The following COPG2 variants were observed in gnomAD, a reference collection of about 807,000 sequenced individuals.
The protein encoded by COPG2 is coatomer subunit gamma-2.
COPG2 carries 37 observed loss-of-function variants against 46.3 expected under a neutral mutation model. That is an observed-to-expected ratio of 0.80 (90% CI 0.61 to 1.05). The LOEUF (loss-of-function observed/expected upper bound fraction) is 1.05. Ranked by LOEUF, COPG2 falls within the 50% of genes least tolerant of loss-of-function variation. The pLI is 0.00. For synonymous variants in COPG2, 159 were observed against 129.7 expected (o/e 1.23, Z -1.53); for missense variants, 427 against 387.8 (o/e 1.10, Z -0.85).
chr7:130,631,407 C>T (rs1466653712), intron 5 of COPG2, among the ~76,000 whole-genome samples: 1 of 152,128 alleles, frequency 6.6e-6, no homozygotes, highest in Non-Finnish European at 1.5e-5. Flanking sequence ...ATCCACCTGC[C>T]TCGGTCTCCC....
In COPG2 at chr7:130,513,328, T is replaced by A. The variant is rs1554441312; in HGVS notation, c.2150-4669A>T. 8.8e-5 allele frequency among the ~76,000 whole-genome samples: 6 copies of A among 68,438 alleles called. 1 individual carries two copies. Among genetic ancestry groups the A allele is most frequent in the Admixed American group, 4.8e-4 (3 of 6,192 alleles). 44.9% of individuals were successfully genotyped at this position (68,438 alleles called of 152,430 possible). On this transcript the variant is annotated intron_variant, in intron 20 of 23. Transcript: ENST00000425248. The stretch of plus-strand genomic sequence containing the variant: ...AAAAAAATATATATATATATATATA[T>A]ATATATATATATATGTGTGTGTGTG...
At chr7:130,594,817 C>T (rs944585964) in intron 9 of COPG2, among the ~76,000 whole-genome samples, 3 of 152,170 alleles carry the variant, frequency 2.0e-5, no homozygotes, top group African/African-American at 7.2e-5. Context: ...ATTCACACAA[C>T]CTCTTTACAC....
intron 1 of COPG2, 140 bp from the exon 2 acceptor site, chr7:130,667,674 A>G (rs1420412605): frequency 3.7e-6 from 2 of 543,608 alleles, no homozygotes; most frequent in African/African-American, 3.8e-5. Context: ...ACGCATACGA[A>G]CTGAATGAAA....
chr7:130,609,850 G>A (rs1794808501), intron 9 of COPG2, among the ~76,000 whole-genome samples: 1 of 151,622 alleles, frequency 6.6e-6, no homozygotes, highest in African/African-American at 2.4e-5. Context: ...TTTTTTTCTA[G>A]TTTCTATTTA....
rs545907085 is a variant in COPG2 at position 130,665,293 on chromosome 7, TTC to T, written c.171+1554_171+1555del. Among the ~76,000 whole-genome samples, 148 of 152,326 alleles carry T rather than the reference TTC, an allele frequency of 9.7e-4. 1 individual carries two copies. Among genetic ancestry groups the T allele is most frequent in the African/African-American group, 3.5e-3 (145 of 41,572 alleles). On this transcript the variant is annotated intron_variant, in intron 3 of 23. Coordinates refer to ENST00000425248, the MANE Select transcript of COPG2 (RefSeq NM_012133.6). ...CACAAAACAAAGTAAAGATAATATA[TTC>T]TCTTAGAATTCAAATTGGAAACCAT...
chr7:130,628,880 C>T (rs1023091254), intron 5 of COPG2, among the ~76,000 whole-genome samples: 2 of 152,018 alleles, frequency 1.3e-5, no homozygotes, highest in East Asian at 1.9e-4. Flanking sequence ...CCTCTTTCTA[C>T]AAAAACAAAA....
chr7:130,539,649 T>C (rs1208650552), intron 20 of COPG2, among the ~76,000 whole-genome samples: 1 of 152,006 alleles, frequency 6.6e-6, no homozygotes. Flanking sequence ...GAAATGTGGA[T>C]GCAAGGGGAA....
At chr7:130,571,026 T>A (rs1185331869) in intron 9 of COPG2, among the ~76,000 whole-genome samples, 1 of 152,180 alleles carries the variant, frequency 6.6e-6, no homozygotes, top group African/African-American at 2.4e-5. Context: ...GATCCTCATC[T>A]CTCACCTTAT....
intron 9 of COPG2, among the ~76,000 whole-genome samples, chr7:130,598,891 T>C (rs1326486105): frequency 6.6e-6 from 1 of 152,216 alleles, no homozygotes; most frequent in Non-Finnish European, 1.5e-5. Context: ...CTAGTAGCTA[T>C]CCTCTTATTA....
intron 20 of COPG2, among the ~76,000 whole-genome samples, chr7:130,521,868 G>C (rs1173801465): frequency 6.6e-6 from 1 of 152,122 alleles, no homozygotes; most frequent in Non-Finnish European, 1.5e-5. Flanking sequence ...GGGTGAGGTA[G>C]AAAAGAAGCA....
intron 19 of COPG2, 93 bp downstream of exon 19, chr7:130,548,310 A>G (rs1437099707): frequency 2.8e-5 from 11 of 397,054 alleles, no homozygotes; most frequent in Non-Finnish European, 4.4e-5. Flanking sequence ...TTAATTCTCT[A>G]TAATAGAAAC....
At chr7:130,640,158 CT>C (rs11431866) in intron 5 of COPG2, among the ~76,000 whole-genome samples, 95 of 96,496 alleles carry the variant, frequency 9.8e-4, no homozygotes, top group East Asian at 2.2e-3. Flanking sequence ...CACCACCAAC[CT>C]TTTTTTTTTT....
chr7:130,662,079 C>T (rs73158097), intron 4 of COPG2, among the ~76,000 whole-genome samples: 5 of 152,246 alleles, frequency 3.3e-5, no homozygotes, highest in Admixed American at 6.5e-5. Flanking sequence ...CCAAGTACCC[C>T]GAACTCCTAA....
At chr7:130,579,583 T>C (rs1196492303) in intron 9 of COPG2, among the ~76,000 whole-genome samples, 5 of 152,138 alleles carry the variant, frequency 3.3e-5, no homozygotes, top group African/African-American at 1.2e-4. Flanking sequence ...GACCCATCAG[T>C]GTGCTGTATT....
At chr7:130,584,545 T>C (rs1554447742) in intron 9 of COPG2, among the ~76,000 whole-genome samples, 1 of 152,022 alleles carries the variant, frequency 6.6e-6, no homozygotes. Flanking sequence ...GATAGGATCA[T>C]TTACCTTGAA....
At chr7:130,571,435 A>T (rs782319726) in intron 9 of COPG2, among the ~76,000 whole-genome samples, 3 of 152,240 alleles carry the variant, frequency 2.0e-5, no homozygotes, top group Non-Finnish European at 4.4e-5. Flanking sequence ...GCCAACAAAC[A>T]TATGAAAAAA....
intron 5 of COPG2, among the ~76,000 whole-genome samples, chr7:130,646,158 T>C (rs1226957187): frequency 1.3e-5 from 2 of 152,248 alleles, no homozygotes; most frequent in African/African-American, 4.8e-5. Flanking sequence ...ATTAAATAGT[T>C]TGCTCAACTT....
At chr7:130,521,362 GAACA>G (rs1435675668) in intron 20 of COPG2, among the ~76,000 whole-genome samples, 3 of 152,166 alleles carry the variant, frequency 2.0e-5, no homozygotes, top group Admixed American at 1.3e-4. Context: ...TCCTACCAAG[GAACA>G]AACAGAGAAC....
At chr7:130,644,872 G>A (rs1795562451) in intron 5 of COPG2, among the ~76,000 whole-genome samples, 1 of 151,972 alleles carries the variant, frequency 6.6e-6, no homozygotes, top group African/African-American at 2.4e-5. Flanking sequence ...GACCAACCTG[G>A]CCAATATGGT....
Sources: gnomAD v4.1 joint callset for allele counts (sites outside exome capture counted in the v4.1 genomes callset) on GRCh38, gnomAD v4.1.1 for gene constraint, MANE v1.5 for transcripts, NCBI Gene and HGNC (gene_info 2026-07-23, HGNC 2026-07-21) for gene names.